SEMA5A: variants seen among roughly 807,000 people sequenced by gnomAD.
SEMA5A encodes the protein semaphorin 5A, also known as semaphorin-5A.
Under a neutral mutation model 135.5 loss-of-function variants are expected in SEMA5A, and 55 were observed. The ratio of observed to expected loss-of-function variants is 0.41; its 90% confidence interval spans 0.33 to 0.51. The LOEUF (loss-of-function observed/expected upper bound fraction) is 0.51, where lower values mean the gene tolerates loss of function less well. Ranked by LOEUF, SEMA5A falls within the 20% of genes least tolerant of loss-of-function variation. The probability of loss-of-function intolerance (pLI) is 0.37; values close to 1 mark genes in which losing one functional copy is unlikely to be tolerated. For missense variants in SEMA5A, 1,290 were observed against 1,419.9 expected, an observed-to-expected ratio of 0.91 and a Z score of 1.47; for synonymous variants, 580 against 546.5, an observed-to-expected ratio of 1.06 and a Z score of -0.85.
At chr5:9,065,736 G>C (rs781752475) in intron 17 of SEMA5A, among the ~76,000 whole-genome samples, 1 of 152,208 alleles carries the variant, frequency 6.6e-6, no homozygotes, top group Non-Finnish European at 1.5e-5. Context: ...AAAGCATCAA[G>C]CTCTTAAGGA....
At position 9,038,283 on chromosome 5, in the gene SEMA5A, G is replaced by A. The variant is rs925415621; in HGVS notation, c.*4614C>T. ...GGGCTTAAGCACAGCCCTGCCATGT[G>A]GAAAATGGTTATGCAGTCGCTGTTA... On this transcript the variant is annotated 3_prime_UTR_variant, in exon 23 of 23. Transcript: ENST00000382496. 6.6e-6 allele frequency: 1 copy of A among 152,180 alleles called. No homozygotes were observed. Among genetic ancestry groups the A allele is most frequent in the Non-Finnish European group, 1.5e-5 (1 of 68,040 alleles). The allele number at this position is 152,180 out of a possible 1,614,324, so 9.4% of individuals were successfully genotyped here. A position where few individuals can be genotyped will look rare whatever the true frequency, so the allele number is the denominator to read the frequency against.
At chr5:9,519,046 C>T (rs745696204) in intron 1 of SEMA5A, among the ~76,000 whole-genome samples, 4 of 152,106 alleles carry the variant, frequency 2.6e-5, no homozygotes, top group Non-Finnish European at 4.4e-5. Flanking sequence ...TTTTGAGCTC[C>T]ACTCTTCCCA....
chr5:9,380,248 A>C (rs1229654326), intron 2 of SEMA5A: 4 of 298,994 alleles, frequency 1.3e-5, no homozygotes, highest in Non-Finnish European at 2.5e-5. Context: ...CATTCTCCCA[A>C]TAATTGCATG....
intron 2 of SEMA5A, among the ~76,000 whole-genome samples, chr5:9,401,032 C>T (rs984945397): frequency 4.6e-5 from 7 of 152,112 alleles, no homozygotes; most frequent in Non-Finnish European, 8.8e-5. Context: ...TTTGTGTACC[C>T]TTAGACAACC....
chr5:9,419,241 T>C (rs748016802), intron 2 of SEMA5A, among the ~76,000 whole-genome samples: 16 of 152,212 alleles, frequency 1.1e-4, no homozygotes, highest in Non-Finnish European at 1.2e-4. Flanking sequence ...GTCCTTGGTA[T>C]GATTTCCAGG....
chr5:9,458,347 T>C (rs1207001682), intron 1 of SEMA5A, among the ~76,000 whole-genome samples: 1 of 152,192 alleles, frequency 6.6e-6, no homozygotes, highest in Non-Finnish European at 1.5e-5. Flanking sequence ...GTCTGCTACC[T>C]CCTAAAAATT....
At chr5:9,331,137 A>G (rs555806986) in intron 4 of SEMA5A, among the ~76,000 whole-genome samples, 11 of 152,370 alleles carry the variant, frequency 7.2e-5, no homozygotes, top group African/African-American at 2.4e-4. Context: ...AGAATCGCTG[A>G]TCTGATAAAC....
chr5:9,168,272 T>C (rs116489491), intron 11 of SEMA5A, among the ~76,000 whole-genome samples: 1,602 of 152,280 alleles, frequency 0.011, 24 homozygotes, highest in African/African-American at 0.036. Context: ...TTGGGAGGTC[T>C]GCAGTGGGCC....
chr5:9,395,341 T>A (rs10513007), intron 2 of SEMA5A, among the ~76,000 whole-genome samples: 1 of 152,260 alleles, frequency 6.6e-6, no homozygotes, highest in East Asian at 1.9e-4. Flanking sequence ...TTCTCCAAAC[T>A]GAACGTGAAA....
At chr5:9,097,675 T>A (rs1208969070) in intron 16 of SEMA5A, among the ~76,000 whole-genome samples, 2 of 151,972 alleles carry the variant, frequency 1.3e-5, no homozygotes, top group African/African-American at 2.4e-5. Context: ...CAGATTGGGA[T>A]CCTGGGGTGG....
intron 8 of SEMA5A, among the ~76,000 whole-genome samples, chr5:9,223,675 C>A (rs574678941): frequency 6.6e-6 from 1 of 152,314 alleles, no homozygotes; most frequent in South Asian, 2.1e-4. Flanking sequence ...CAAGATTTCA[C>A]TTTTGTACAA....
In SEMA5A at chr5:9,052,024, G is replaced by A; in HGVS notation, c.2694C>T (p.Ser898=). The A allele has an allele frequency of 1.3e-6, 2 of 1,597,370 alleles. No individual in the cohort carries two copies. The highest frequency in any genetic ancestry group is 1.7e-6 in the Non-Finnish European group (2 of 1,170,630). ...ALCNTQPCPE[S]WSEWSDWSEC... ...CAGACCAGTCCGACCACTCCGACCA[G>A]CTCTCTGCAGAGACCAGAAAAGGGG... is the stretch of plus-strand genomic sequence containing the variant. The change falls in exon 20 of 23, where the codon AGC becomes AGT. Residue 898 remains serine, a synonymous_variant. Transcript: ENST00000382496.
intron 10 of SEMA5A, among the ~76,000 whole-genome samples, chr5:9,192,316 C>T (rs1428945704): frequency 3.3e-5 from 5 of 152,238 alleles, no homozygotes; most frequent in African/African-American, 9.6e-5. Flanking sequence ...CTGCTCATTT[C>T]TCAGGGCTAC....
intron 1 of SEMA5A, among the ~76,000 whole-genome samples, chr5:9,541,122 G>A (rs1328488099): frequency 1.3e-5 from 2 of 152,104 alleles, no homozygotes; most frequent in African/African-American, 2.4e-5. Flanking sequence ...TTCTGTGAAC[G>A]ATTTGTCCTT....
At chr5:9,318,217 G>GT (rs1417974530) in intron 5 of SEMA5A, among the ~76,000 whole-genome samples, 155 bp downstream of exon 5, 3 of 152,212 alleles carry the variant, frequency 2.0e-5, no homozygotes, top group Non-Finnish European at 4.4e-5. Context: ...CTCGTAACAA[G>GT]TAGGGCCGCC....
Position 9,532,773 on chromosome 5 carries a change from C to G in SEMA5A, c.-175+12811G>C, listed in dbSNP as rs770786989. ...GATAAAGGTTGCCATGATAGCCAAG[C>G]CCTTTCTCCACCAGGCTTCTCCTTT... On this transcript the variant is annotated intron_variant, in intron 1 of 22. Coordinates refer to ENST00000382496, the MANE Select transcript of SEMA5A (RefSeq NM_003966.3). Among the ~76,000 whole-genome samples the G allele has an allele frequency of 4.6e-5, 7 of 152,184 alleles. No individual in the cohort carries two copies. In the East Asian group the frequency reaches 5.8e-4, roughly 13 times the overall value.
rs568748071 is a variant in SEMA5A, at chr5:9,065,953, C to T, written c.2299+468G>A. 5.9e-5 allele frequency among the ~76,000 whole-genome samples: 9 copies of T among 152,332 alleles called. No individual in the cohort carries two copies. The South Asian group carries it at 1.9e-3, about 32-fold the overall frequency. On this transcript the variant is annotated intron_variant, in intron 17 of 22. Transcript: ENST00000382496. ...GAGCAAAGTTATTTCAAAGACTATT[C>T]TAGTATCCTTACACAATGTGCTTTT...
chr5:9,212,029 G>A lies in SEMA5A; in HGVS notation c.647-9789C>T, dbSNP rs1806041. Among the ~76,000 whole-genome samples the A allele has an allele frequency of 3.5e-3, 527 of 152,226 alleles. 2 individuals are homozygous for A. Among genetic ancestry groups the A allele is most frequent in the African/African-American group, 0.012 (501 of 41,526 alleles). On this transcript the variant is annotated intron_variant, in intron 8 of 22. Coordinates refer to ENST00000382496, the MANE Select transcript of SEMA5A (RefSeq NM_003966.3). ...TTCCACCAGAGAAGGAAAGCCAGCT[G>A]GTCTCTGAGTGTTAATAAGGCTACG...
At chr5:9,441,699 A>G (rs1015044560) in intron 1 of SEMA5A, among the ~76,000 whole-genome samples, 1 of 152,178 alleles carries the variant, frequency 6.6e-6, no homozygotes, top group African/African-American at 2.4e-5. Context: ...TGGCAGGCCA[A>G]GGAGCAGGGA....
Sources: gnomAD v4.1 joint callset for allele counts (sites outside exome capture counted in the v4.1 genomes callset) on GRCh38, gnomAD v4.1.1 for gene constraint, MANE v1.5 for transcripts, NCBI Gene and HGNC (gene_info 2026-07-23, HGNC 2026-07-21) for gene names.